LLGL1: variants seen among roughly 807,000 people sequenced by gnomAD.
LLGL1 encodes lethal(2) giant larvae protein homolog 1.
A neutral mutation model predicts 110.6 loss-of-function variants in LLGL1; 58 were observed. That is an observed-to-expected ratio of 0.52 (90% CI 0.42 to 0.65). The LOEUF (loss-of-function observed/expected upper bound fraction) is 0.65. Ranked by LOEUF, LLGL1 falls within the 30% of genes least tolerant of loss-of-function variation. The pLI is 0.00. For missense variants in LLGL1, 1,229 were observed against 1,462.1 expected (o/e 0.84, Z 2.60); for synonymous variants, 674 against 607.2 (o/e 1.11, Z -1.62).
intron 1 of LLGL1, 151 bp downstream of exon 1, chr17:18,225,914 C>T (rs2047428229): frequency 5.4e-6 from 1 of 184,556 alleles, no homozygotes. Flanking sequence ...CCGCGCACCC[C>T]CTCGGCGGGC....
chr17:18,234,509 T>TG, intron 7 of LLGL1, 101 bp downstream of exon 7: 2 of 1,577,890 alleles, frequency 1.3e-6, no homozygotes, highest in Non-Finnish European at 8.6e-7. Context: ...GGGGGTGGTC[T>TG]GGGGGCAGTG....
At position 18,235,323 on chromosome 17, in the gene LLGL1, C is replaced by G. The variant is rs757625486; in HGVS notation, c.1284+11C>G. 11 of 1,608,908 alleles carry G rather than the reference C, an allele frequency of 6.8e-6. No individual in the cohort carries two copies. The highest frequency in any genetic ancestry group is 8.5e-6 in the Non-Finnish European group (10 of 1,178,824). On this transcript the variant is annotated intron_variant, in intron 10 of 22. Coordinates refer to ENST00000316843, the MANE Select transcript of LLGL1 (RefSeq NM_004140.4). ...GTCTCCAGTGCCTTGGTGTGTGCGGCGATCAGGGGGGTCTTACAGGGTGGA... is the reference window on the plus strand; with the variant it reads ...GTCTCCAGTGCCTTGGTGTGTGCGGGGATCAGGGGGGTCTTACAGGGTGGA...
chr17:18,237,059 G>A, intron 13 of LLGL1, 120 bp downstream of exon 13: 1 of 851,798 alleles, frequency 1.2e-6, no homozygotes, highest in South Asian at 1.6e-5. Context: ...GTGGGAATAG[G>A]GCTCTGGGTG....
chr17:18,235,339 A>T, intron 10 of LLGL1, 27 bp downstream of exon 10: 1 of 1,608,242 alleles, frequency 6.2e-7, no homozygotes, highest in East Asian at 2.2e-5. Flanking sequence ...GGGGGGTCTT[A>T]CAGGGTGGAG....
intron 15 of LLGL1, 73 bp downstream of exon 15, chr17:18,238,287 T>G (rs2047742154): frequency 3.8e-6 from 6 of 1,596,412 alleles, no homozygotes; most frequent in Non-Finnish European, 5.1e-6. Context: ...CTGGGACCCC[T>G]GGGGCCTGCT....
chr17:18,238,599 C>G lies in LLGL1; in HGVS notation c.2196C>G (p.Phe732Leu). 6.2e-7 allele frequency: 1 copy of G among 1,611,976 alleles called. No individual in the cohort carries two copies. The highest frequency in any genetic ancestry group is 1.7e-4 in the Middle Eastern group (1 of 5,748). Residue 732 changes from phenylalanine (F) to leucine (L), a missense_variant, in exon 16 of 23, where the codon TTC (phenylalanine) becomes TTG (leucine). By Grantham distance (22) the Phe-to-Leu change is conservative (BLOSUM62 0). Transcript: ENST00000316843. ...VVRCLYFADT[F>L]LRDGAHHGPT... The stretch of plus-strand genomic sequence containing the variant: ...GTTGCCTATACTTTGCCGACACATT[C>G]CTTCGAGATGGTAAGGCAGGGGCAG...
Position 18,235,325 on chromosome 17 carries a change from A to C in LLGL1, c.1284+13A>C. 1 of 1,609,532 alleles carries C rather than the reference A, an allele frequency of 6.2e-7. No homozygotes were observed. The highest frequency in any genetic ancestry group is 1.1e-5 in the South Asian group (1 of 91,044). On this transcript the variant is annotated intron_variant, in intron 10 of 22. Transcript: ENST00000316843. ...CTCCAGTGCCTTGGTGTGTGCGGCG[A>C]TCAGGGGGGTCTTACAGGGTGGAGT...
intron 7 of LLGL1, 24 bp downstream of exon 7, chr17:18,234,432 C>T (rs2047643716): frequency 1.9e-6 from 3 of 1,608,262 alleles, no homozygotes; most frequent in Middle Eastern, 1.7e-4. Context: ...ACACCTTAGC[C>T]AGAGGGTGGT....
chr17:18,231,037 G>A (rs542860979), intron 2 of LLGL1, among the ~76,000 whole-genome samples: 17 of 152,312 alleles, frequency 1.1e-4, no homozygotes, highest in African/African-American at 2.4e-4. Context: ...GCTGCGCTGC[G>A]TGCGCACATG....
chr17:18,242,887 G>A, intron 22 of LLGL1, 65 bp downstream of exon 22: 3 of 1,430,806 alleles, frequency 2.1e-6, no homozygotes, highest in Non-Finnish European at 2.8e-6. Flanking sequence ...GCCCGTCTGG[G>A]TACCATTTGG....
At chr17:18,226,048 C>T (rs1457963862) in intron 1 of LLGL1, among the ~76,000 whole-genome samples, 3 of 152,166 alleles carry the variant, frequency 2.0e-5, no homozygotes, top group Admixed American at 1.3e-4. Flanking sequence ...GGGTCTGTCT[C>T]TGAGACTCTT....
rs768743935 is a variant in LLGL1, at chr17:18,241,555, C to T, written c.2607C>T (p.Ala869=). Residue 869 remains alanine (A), a synonymous_variant, in exon 18 of 23, where the codon GCC becomes GCT. Coordinates refer to ENST00000316843, the MANE Select transcript of LLGL1 (RefSeq NM_004140.4). Reference sequence around the variant, plus strand: ...CACTGGCCACGTTTGCCAGTGTGGCCTGCGAGGACTATGCTGAGACCTGCC... The same window carrying T: ...CACTGGCCACGTTTGCCAGTGTGGCTTGCGAGGACTATGCTGAGACCTGCC... ...KVALATFASV[A]CEDYAETCLA... is the part of the protein sequence containing the mutation. 2.5e-6 allele frequency: 4 copies of T among 1,613,832 alleles called. No individual in the cohort carries two copies. The highest frequency in any genetic ancestry group is 3.4e-6 in the Non-Finnish European group (4 of 1,180,030).
chr17:18,243,309 G>C (rs1002816320), intron 22 of LLGL1, among the ~76,000 whole-genome samples: 6 of 152,142 alleles, frequency 3.9e-5, no homozygotes, highest in African/African-American at 1.4e-4. Flanking sequence ...GGGTTTCACT[G>C]TGTTAGCCAG....
In LLGL1 at chr17:18,237,463, G is replaced by C; in HGVS notation, c.1612-18G>C. On this transcript the variant is annotated intron_variant, in intron 13 of 22. Coordinates refer to ENST00000316843, the MANE Select transcript of LLGL1 (RefSeq NM_004140.4). ...CCTCCCCTGCGCTGATGCTCCCCCT[G>C]CCTGGCTGTGGGCTCAGGTGCTGGT... The C allele has an allele frequency of 1.3e-6, 2 of 1,557,572 alleles. No homozygotes were observed. Among genetic ancestry groups the C allele is most frequent in the Non-Finnish European group, 1.7e-6 (2 of 1,148,004 alleles).
intron 17 of LLGL1, 54 bp from the exon 18 acceptor site, chr17:18,241,397 C>T: frequency 6.4e-7 from 1 of 1,564,592 alleles, no homozygotes; most frequent in Non-Finnish European, 8.7e-7. Context: ...GGGTGAGGGG[C>T]CCTGGGGACG....
intron 22 of LLGL1, among the ~76,000 whole-genome samples, chr17:18,243,046 C>T (rs1331611071): frequency 6.6e-6 from 1 of 152,232 alleles, no homozygotes; most frequent in Non-Finnish European, 1.5e-5. Flanking sequence ...CAGGGCCAGC[C>T]CCTCAGCCCT....
In LLGL1 at chr17:18,244,582, G is replaced by A. The variant is rs115065254; in HGVS notation, c.*676G>A. ...TTTCTAGCGCCTGGGCTGGACAGTT[G>A]TTTCTAAAACTAAACTATTTTGGTA... On this transcript the variant is annotated 3_prime_UTR_variant, in exon 23 of 23. Transcript: ENST00000316843. 0.035 allele frequency: 5,371 copies of A among 152,360 alleles called. 268 individuals carry two copies. The highest frequency in any genetic ancestry group is 0.11 in the African/African-American group (4,598 of 41,372). The allele number at this position is 152,360 out of a possible 1,614,324, so 9.4% of individuals were successfully genotyped here.
At chr17:18,227,439 G>A (rs939669420) in intron 1 of LLGL1, among the ~76,000 whole-genome samples, 1 of 151,688 alleles carries the variant, frequency 6.6e-6, no homozygotes, top group Non-Finnish European at 1.5e-5. Flanking sequence ...CCAGGCTGGA[G>A]TGCAGTGGCA....
In LLGL1 at chr17:18,241,525, G is replaced by A. The variant is rs1325337482; in HGVS notation, c.2577G>A (p.Lys859=). 1 of 1,613,888 alleles carries A rather than the reference G, an allele frequency of 6.2e-7. No individual in the cohort carries two copies. The highest frequency in any genetic ancestry group is 1.1e-5 in the South Asian group (1 of 91,084). The change falls in exon 18 of 23, where the codon AAG becomes AAA. Residue 859 remains lysine (K), a synonymous_variant. Transcript: ENST00000316843. Reference sequence around the variant, plus strand: ...CCCATGAGGGCTGTCGTGTGCGCAAGGTGGCACTGGCCACGTTTGCCAGTG... The same window carrying A: ...CCCATGAGGGCTGTCGTGTGCGCAAAGTGGCACTGGCCACGTTTGCCAGTG... The part of the protein sequence containing the change: ...LTAHEGCRVR[K]VALATFASVA...
Sources: allele counts gnomAD v4.1 joint callset (sites outside exome capture counted in the v4.1 genomes callset), GRCh38; gene constraint gnomAD v4.1.1; transcripts MANE v1.5; gene names NCBI Gene and HGNC (gene_info 2026-07-23, HGNC 2026-07-21).